Variants in LSAMP observed in about 807,000 individuals in gnomAD.
LSAMP encodes the protein limbic system-associated membrane protein.
LSAMP carries 7 observed loss-of-function variants against 38.6 expected under a neutral mutation model. The ratio of observed to expected loss-of-function variants is 0.18; its 90% CI spans 0.10 to 0.34. The LOEUF is 0.34. Ranked by LOEUF, LSAMP falls within the 10% of genes least tolerant of loss-of-function variation. The pLI, the probability that LSAMP is intolerant of heterozygous loss-of-function variation, is 1.00. For missense variants in LSAMP, 313 were observed against 420.0 expected, an observed-to-expected ratio of 0.75 and a Z score of 2.23; for synonymous variants, 154 against 166.8, an observed-to-expected ratio of 0.92 and a Z score of 0.59.
intron 6 of LSAMP, 113 bp from the exon 7 acceptor site, chr3:115,810,527 C>G (rs764015432): frequency 5.5e-6 from 4 of 729,930 alleles, no homozygotes; most frequent in African/African-American, 5.4e-5. Context: ...ACTAGCATCT[C>G]AAAGTTACTG....
intron 1 of LSAMP, among the ~76,000 whole-genome samples, chr3:116,417,687 T>TA (rs2049069641): frequency 6.6e-6 from 1 of 152,176 alleles, no homozygotes; most frequent in African/African-American, 2.4e-5. Context: ...GGCCATTTTT[T>TA]AAAAAACCAG....
chr3:116,034,196 C>T (rs556829692), intron 2 of LSAMP, among the ~76,000 whole-genome samples: 12 of 152,138 alleles, frequency 7.9e-5, no homozygotes, highest in African/African-American at 2.9e-4. Flanking sequence ...ATGAGGGATC[C>T]TTTGTTCTCA....
intron 3 of LSAMP, among the ~76,000 whole-genome samples, chr3:115,928,337 A>T (rs1465530078): frequency 6.6e-6 from 1 of 152,228 alleles, no homozygotes; most frequent in Non-Finnish European, 1.5e-5. Context: ...TTCATAGAAC[A>T]TCTCACTGAG....
chr3:115,964,692 G>C (rs1938740422), intron 3 of LSAMP, among the ~76,000 whole-genome samples: 1 of 152,042 alleles, frequency 6.6e-6, no homozygotes, highest in African/African-American at 2.4e-5. Flanking sequence ...AGAAAATTGG[G>C]TGAATACAGA....
chr3:115,967,297 A>G (rs1278725933), intron 3 of LSAMP, among the ~76,000 whole-genome samples: 1 of 152,218 alleles, frequency 6.6e-6, no homozygotes, highest in Non-Finnish European at 1.5e-5. Context: ...TTGCTAAAAC[A>G]TAACAAGAGT....
At chr3:116,352,606 T>G (rs1031179597) in intron 1 of LSAMP, among the ~76,000 whole-genome samples, 1 of 152,140 alleles carries the variant, frequency 6.6e-6, no homozygotes, top group African/African-American at 2.4e-5. Flanking sequence ...CAGTAATAGT[T>G]CTTTTACCTA....
chr3:115,959,785 AT>A lies in LSAMP; in HGVS notation c.514+59729del, dbSNP rs1329215385. On this transcript the variant is annotated intron_variant, in intron 3 of 6. Coordinates refer to ENST00000490035, the MANE Select transcript of LSAMP (RefSeq NM_002338.5). ...AGGTAGCTGCTGTTATAATTTTATC[AT>A]CACTATTACTATTATTTTTGCTATT... Among the ~76,000 whole-genome samples the A allele has an allele frequency of 2.0e-5, 3 of 152,218 alleles. No individual in the cohort carries two copies. In the East Asian group the frequency reaches 5.8e-4, roughly 29 times the overall value.
chr3:116,241,421 G>T (rs191727486), intron 1 of LSAMP, among the ~76,000 whole-genome samples: 76 of 151,908 alleles, frequency 5.0e-4, no homozygotes, highest in African/African-American at 1.7e-3. Flanking sequence ...ATAAAAATTA[G>T]CTGGGCTGGT....
At chr3:115,999,069 C>T (rs1939911059) in intron 3 of LSAMP, among the ~76,000 whole-genome samples, 1 of 152,134 alleles carries the variant, frequency 6.6e-6, no homozygotes, top group Non-Finnish European at 1.5e-5. Flanking sequence ...CATCCTTTCC[C>T]AGCTCAGAGT....
intron 1 of LSAMP, among the ~76,000 whole-genome samples, chr3:116,167,730 C>T (rs1313115872): frequency 6.6e-6 from 1 of 152,198 alleles, no homozygotes; most frequent in East Asian, 1.9e-4. Context: ...TTGGCATATG[C>T]TATTCTCAAC....
intron 1 of LSAMP, among the ~76,000 whole-genome samples, chr3:116,202,578 A>G (rs1320188730): frequency 6.6e-6 from 1 of 151,914 alleles, no homozygotes; most frequent in Non-Finnish European, 1.5e-5. Flanking sequence ...CCAAGTAGCT[A>G]GGACTACAGA....
chr3:116,130,356 C>T (rs1052140250), intron 1 of LSAMP, among the ~76,000 whole-genome samples: 2 of 152,142 alleles, frequency 1.3e-5, no homozygotes, highest in African/African-American at 4.8e-5. Context: ...AAATAGAAAA[C>T]TTGTGTTGAT....
chr3:116,442,178 A>G (rs2049445265), intron 1 of LSAMP, among the ~76,000 whole-genome samples: 2 of 152,046 alleles, frequency 1.3e-5, no homozygotes, highest in Non-Finnish European at 2.9e-5. Flanking sequence ...CCCAAAAGAA[A>G]CTCTTGTTTC....
chr3:116,282,143 C>A (rs2047134752), intron 1 of LSAMP, among the ~76,000 whole-genome samples: 1 of 152,126 alleles, frequency 6.6e-6, no homozygotes, highest in East Asian at 1.9e-4. Context: ...TCATGCTGGG[C>A]AGGACTTCAT....
intron 1 of LSAMP, among the ~76,000 whole-genome samples, chr3:116,354,049 C>A (rs1180775470): frequency 6.6e-6 from 1 of 152,150 alleles, no homozygotes; most frequent in Non-Finnish European, 1.5e-5. Flanking sequence ...ACCCTTCCCA[C>A]ATTTTCCTTT....
rs186703792 is a variant in LSAMP, at chr3:115,867,317, G to C, written c.515-14700C>G. 2.6e-5 allele frequency among the ~76,000 whole-genome samples: 4 copies of C among 152,036 alleles called. No homozygotes were observed. The East Asian group carries it at 7.7e-4, about 29-fold the overall frequency. On this transcript the variant is annotated intron_variant, in intron 3 of 6. Coordinates refer to ENST00000490035, the MANE Select transcript of LSAMP (RefSeq NM_002338.5). ...TTCTATACTAATCTAAAATACTGTCGGTTTCTGGAAGGGTAAACCTTATTG... is the reference window on the plus strand; with the variant it reads ...TTCTATACTAATCTAAAATACTGTCCGTTTCTGGAAGGGTAAACCTTATTG...
chr3:116,163,380 C>G (rs1709948401), intron 1 of LSAMP, among the ~76,000 whole-genome samples: 1 of 151,716 alleles, frequency 6.6e-6, no homozygotes, highest in Non-Finnish European at 1.5e-5. Context: ...CCAGCTTCAT[C>G]CAAGTCCCTA....
chr3:116,165,728 C>A (rs902639726), intron 1 of LSAMP, among the ~76,000 whole-genome samples: 4 of 152,092 alleles, frequency 2.6e-5, no homozygotes, highest in Middle Eastern at 3.2e-3. Context: ...TTTTCTCTAC[C>A]CCACAGGCCT....
At position 116,343,150 on chromosome 3, in the gene LSAMP, G is replaced by A. The variant is rs578143146; in HGVS notation, c.155+101727C>T. ...CTTGACCATCCATCTCTGATCCCTG[G>A]AGTGGAAAGAAAATGTGAAATTTCT... On this transcript the variant is annotated intron_variant, in intron 1 of 6. Coordinates refer to ENST00000490035, the MANE Select transcript of LSAMP (RefSeq NM_002338.5). Among the ~76,000 whole-genome samples the A allele has an allele frequency of 9.2e-5, 14 of 152,182 alleles. No individual in the cohort carries two copies. The South Asian group carries it at 2.7e-3, about 29-fold the overall frequency.
Sources: gnomAD v4.1 joint callset for allele counts (sites outside exome capture counted in the v4.1 genomes callset) on GRCh38, gnomAD v4.1.1 for gene constraint, MANE v1.5 for transcripts, NCBI Gene and HGNC (gene_info 2026-07-23, HGNC 2026-07-21) for gene names.